Variants in PTK2 observed in about 807,000 individuals in gnomAD.
PTK2 encodes protein tyrosine kinase 2, also known as focal adhesion kinase 1.
In PTK2, 45 loss-of-function variants were observed where a neutral mutation model predicts 150.1. The observed-to-expected ratio is 0.30, with a 90% CI of 0.24 to 0.38. PTK2 has a LOEUF of 0.38. Among genes scored for constraint, PTK2 ranks in the 10% least tolerant of loss-of-function variants. The pLI, the probability that PTK2 is intolerant of heterozygous loss-of-function variation, is 1.00. For missense variants in PTK2, 919 were observed against 1,307.3 expected (o/e 0.70, Z 4.58); for synonymous variants, 432 against 449.2 (o/e 0.96, Z 0.48).
At chr8:140,665,339 C>A (rs1011402444) in intron 30 of PTK2, among the ~76,000 whole-genome samples, 1 of 152,100 alleles carries the variant, frequency 6.6e-6, no homozygotes, top group African/African-American at 2.4e-5. Flanking sequence ...AACTGCCAAC[C>A]CTGCCAACAC....
chr8:140,733,655 G>A (rs1254392556), intron 22 of PTK2, among the ~76,000 whole-genome samples: 2 of 152,190 alleles, frequency 1.3e-5, no homozygotes, highest in East Asian at 3.9e-4. Flanking sequence ...AAAGGTGAGA[G>A]AATAGGCAGT....
Position 140,772,520 on chromosome 8 carries a change from A to G in PTK2, c.1178-8230T>C, listed in dbSNP as rs530656785. Among the ~76,000 whole-genome samples, 9 of 152,366 alleles carry G rather than the reference A, an allele frequency of 5.9e-5. No homozygotes were observed. In the East Asian group the frequency reaches 1.5e-3, roughly 26 times the overall value. ...GGAAAGATCAGGAAGCAACAGCGAT[A>G]CGGAACATTACTGGTATGAAATAAT... is the stretch of plus-strand genomic sequence containing the variant. On this transcript the variant is annotated intron_variant, in intron 14 of 31. Transcript: ENST00000522684.
chr8:140,856,186 A>G (rs184362043), intron 5 of PTK2, among the ~76,000 whole-genome samples: 1 of 152,298 alleles, frequency 6.6e-6, no homozygotes, highest in East Asian at 1.9e-4. Flanking sequence ...CAATGACAAC[A>G]TCAAATGTTG....
At chr8:140,667,131 G>T (rs1470207490) in intron 30 of PTK2, among the ~76,000 whole-genome samples, 1 of 152,116 alleles carries the variant, frequency 6.6e-6, no homozygotes, top group Non-Finnish European at 1.5e-5. Flanking sequence ...AAAGAGGAGG[G>T]TTGTTTCAAA....
intron 14 of PTK2, among the ~76,000 whole-genome samples, chr8:140,778,180 T>C (rs2100079516): frequency 6.6e-6 from 1 of 152,112 alleles, no homozygotes; most frequent in Non-Finnish European, 1.5e-5. Context: ...AAATTAGACT[T>C]AATTGGGCTG....
intron 14 of PTK2, among the ~76,000 whole-genome samples, chr8:140,785,203 C>A (rs891036007): frequency 6.6e-6 from 1 of 152,204 alleles, no homozygotes; most frequent in African/African-American, 2.4e-5. Context: ...TGACACTGGT[C>A]GGTCCAAATA....
At chr8:140,688,343 A>G (rs1002820070) in intron 26 of PTK2, among the ~76,000 whole-genome samples, 1 of 152,130 alleles carries the variant, frequency 6.6e-6, no homozygotes, top group Non-Finnish European at 1.5e-5. Flanking sequence ...GCTACTATAT[A>G]AAAAAACATG....
chr8:140,701,368 T>C (rs1220340689), intron 25 of PTK2, among the ~76,000 whole-genome samples: 1 of 152,204 alleles, frequency 6.6e-6, no homozygotes, highest in Admixed American at 6.5e-5. Context: ...TTACAGAGTA[T>C]TAAATATTAA....
chr8:141,000,717 A>G (rs1189635413), intron 1 of PTK2, among the ~76,000 whole-genome samples: 17 of 27,688 alleles, frequency 6.1e-4, no homozygotes, highest in African/African-American at 2.5e-3. Context: ...CACGTCCCCC[A>G]GCCTTTCTGT....
At chr8:140,800,481 T>C (rs2154593125) in exon 12 of PTK2, 1 of 1,613,406 alleles carries the variant, frequency 6.2e-7, no homozygotes, top group Non-Finnish European at 8.5e-7. Flanking sequence ...TGATGATAAA[T>C]GACTGCGAGG....
At chr8:140,781,590 T>A (rs988852121) in intron 14 of PTK2, among the ~76,000 whole-genome samples, 53 of 152,142 alleles carry the variant, frequency 3.5e-4, no homozygotes, top group African/African-American at 1.1e-3. Context: ...ACTTTAAATT[T>A]TTGTTGTACT....
chr8:140,664,271 T>C (rs1850436), intron 31 of PTK2, among the ~76,000 whole-genome samples: 68,735 of 152,082 alleles, frequency 0.45, 15,730 homozygotes, highest in Non-Finnish European at 0.49. Flanking sequence ...CGTGAGCCAC[T>C]GCGCCTGGCC....
chr8:140,674,666 G>C (rs536897404), intron 28 of PTK2, among the ~76,000 whole-genome samples: 1 of 152,146 alleles, frequency 6.6e-6, no homozygotes, highest in East Asian at 1.9e-4. Context: ...TTGAACCCAG[G>C]AGGTGGAGGT....
At chr8:140,925,484 TC>T (rs775953662) in intron 2 of PTK2, 176 bp downstream of exon 2, 8 of 238,602 alleles carry the variant, frequency 3.4e-5, no homozygotes, top group Non-Finnish European at 5.4e-5. Flanking sequence ...AAACAATTTT[TC>T]AAAAATTTTA....
intron 16 of PTK2, among the ~76,000 whole-genome samples, chr8:140,758,787 T>C (rs909652650): frequency 6.6e-6 from 1 of 152,224 alleles, no homozygotes; most frequent in Non-Finnish European, 1.5e-5. Flanking sequence ...TAGCCTATAG[T>C]AGTGTAGTCA....
intron 4 of PTK2, among the ~76,000 whole-genome samples, chr8:140,866,940 A>C (rs887859595): frequency 2.0e-5 from 3 of 152,224 alleles, no homozygotes; most frequent in African/African-American, 7.2e-5. Context: ...CAAAGATCTA[A>C]ATAAAGGAGA....
At chr8:140,968,410 A>G (rs1404789639) in intron 1 of PTK2, among the ~76,000 whole-genome samples, 1 of 152,210 alleles carries the variant, frequency 6.6e-6, no homozygotes, top group African/African-American at 2.4e-5. Flanking sequence ...TTAATTATTT[A>G]TATGACTAGC....
intron 2 of PTK2, among the ~76,000 whole-genome samples, chr8:140,913,622 T>G (rs2100164084): frequency 6.6e-6 from 1 of 152,038 alleles, no homozygotes. Context: ...AAGCCAAAAA[T>G]TATTATTTAC....
intron 30 of PTK2, among the ~76,000 whole-genome samples, chr8:140,667,456 CT>C (rs2092927824): frequency 1.4e-5 from 1 of 73,176 alleles, no homozygotes; most frequent in South Asian, 4.4e-4. Context: ...TTCTTTCTCT[CT>C]CTCTCTCTCT....
Sources: allele counts gnomAD v4.1 joint callset (sites outside exome capture counted in the v4.1 genomes callset), GRCh38; gene constraint gnomAD v4.1.1; transcripts MANE v1.5; gene names NCBI Gene and HGNC (gene_info 2026-07-23, HGNC 2026-07-21).